The following TTC21B variants were observed in gnomAD, a reference collection of about 807,000 sequenced individuals.
TTC21B encodes tetratricopeptide repeat domain 21B.
TTC21B carries 127 observed loss-of-function variants against 175.1 expected under a neutral mutation model. The observed-to-expected ratio is 0.73, with a 90% confidence interval of 0.63 to 0.84. The LOEUF (loss-of-function observed/expected upper bound fraction) is 0.84, where lower values mean the gene tolerates loss of function less well. TTC21B is among the 40% of genes least tolerant of loss of function. The pLI is 0.00. For synonymous variants in TTC21B, 524 were observed against 524.5 expected, an observed-to-expected ratio of 1.00 and a Z score of 0.01; for missense variants, 1,561 against 1,558.3, an observed-to-expected ratio of 1.00 and a Z score of -0.03.
chr2:165,941,370 G>A (rs1169670556), intron 5 of TTC21B, among the ~76,000 whole-genome samples, 186 bp from the exon 6 acceptor site: 3 of 152,010 alleles, frequency 2.0e-5, no homozygotes, highest in Non-Finnish European at 4.4e-5. Flanking sequence ...CATTATATAA[G>A]CTATTGTGTT....
intron 21 of TTC21B, 28 bp downstream of exon 21, chr2:165,899,742 T>G (rs1426483683): frequency 6.9e-7 from 1 of 1,450,420 alleles, no homozygotes. Context: ...ACAAGTGCTT[T>G]TATTGTACTG....
At chr2:165,928,866 T>C (rs937034772) in intron 11 of TTC21B, 3 of 408,254 alleles carry the variant, frequency 7.3e-6, no homozygotes, top group Admixed American at 7.5e-5. Flanking sequence ...AAGGTAGGTG[T>C]CTGAATTAGA....
intron 6 of TTC21B, 80 bp downstream of exon 6, chr2:165,940,947 G>T: frequency 6.5e-7 from 1 of 1,529,354 alleles, no homozygotes; most frequent in Non-Finnish European, 9.0e-7. Flanking sequence ...AAACCCTTAT[G>T]AAAAAAATTC....
chr2:165,929,287 G>C lies in TTC21B; in HGVS notation c.1234C>G (p.Gln412Glu), dbSNP rs2105343199. 1 of 1,612,342 alleles carries C rather than the reference G, an allele frequency of 6.2e-7. No individual in the cohort carries two copies. Among genetic ancestry groups the C allele is most frequent in the South Asian group, 1.1e-5 (1 of 90,996 alleles). ...AVLAMKKNKR[Q>E]EEVINLLNDV... The stretch of plus-strand genomic sequence containing the variant: ...TTTAACAAATTAATAACTTCTTCTT[G>C]TCGTTTATTTTTCTTCATGGCAAGA... The change falls in exon 11 of 29, where the codon CAA (glutamine) becomes GAA (glutamate). Residue 412 changes from glutamine (Q) to glutamate (E), a missense_variant. Gln to Glu is a conservative substitution (Grantham distance 29). Coordinates refer to ENST00000243344, the MANE Select transcript of TTC21B (RefSeq NM_024753.5).
chr2:165,910,791 T>C (rs961737672), intron 18 of TTC21B, among the ~76,000 whole-genome samples: 1 of 139,908 alleles, frequency 7.1e-6, no homozygotes, highest in African/African-American at 2.5e-5. Context: ...CATCAAACTA[T>C]CTGGGACACG....
intron 13 of TTC21B, among the ~76,000 whole-genome samples, chr2:165,918,286 G>A (rs1686253473): frequency 6.6e-6 from 1 of 152,086 alleles, no homozygotes; most frequent in Non-Finnish European, 1.5e-5. Context: ...ATAAGAAGCA[G>A]GTGATATTTT....
At chr2:165,930,761 GTGTGTATAA>G (rs1183641068) in intron 8 of TTC21B, among the ~76,000 whole-genome samples, 4 of 128,974 alleles carry the variant, frequency 3.1e-5, no homozygotes, top group African/African-American at 1.1e-4. Context: ...GTGTGTGTGT[GTGTGTATAA>G]TATATGTATG....
intron 6 of TTC21B, among the ~76,000 whole-genome samples, chr2:165,936,217 C>T (rs187696641): frequency 2.0e-5 from 3 of 152,174 alleles, no homozygotes; most frequent in East Asian, 1.9e-4. Flanking sequence ...GGAGAAAAGA[C>T]ACTCTTTTCA....
chr2:165,946,314 G>C (rs1687561654), intron 3 of TTC21B, among the ~76,000 whole-genome samples: 1 of 151,940 alleles, frequency 6.6e-6, no homozygotes, highest in African/African-American at 2.4e-5. Flanking sequence ...ACTCCAGCCT[G>C]GGTGATAGAG....
At chr2:165,928,810 C>G in intron 11 of TTC21B, 1 of 314,464 alleles carries the variant, frequency 3.2e-6, no homozygotes, top group Non-Finnish European at 6.1e-6. Flanking sequence ...TGTGTCCAGA[C>G]ATGGGATAGA....
intron 19 of TTC21B, among the ~76,000 whole-genome samples, chr2:165,903,017 C>T (rs896561354): frequency 3.9e-5 from 6 of 152,116 alleles, no homozygotes; most frequent in African/African-American, 1.4e-4. Flanking sequence ...TAGAGATGTC[C>T]CATCACTTAT....
At chr2:165,903,782 A>G (rs1685643010) in intron 19 of TTC21B, among the ~76,000 whole-genome samples, 1 of 152,350 alleles carries the variant, frequency 6.6e-6, no homozygotes, top group African/African-American at 2.4e-5. Flanking sequence ...CCTAAGTTAC[A>G]TAATGTGGAG....
intron 28 of TTC21B, among the ~76,000 whole-genome samples, chr2:165,875,932 C>A (rs780842153): frequency 1.3e-5 from 2 of 150,830 alleles, no homozygotes; most frequent in African/African-American, 2.4e-5. Context: ...TGGTCTTTGT[C>A]TTTAAATTGA....
chr2:165,890,420 C>G, intron 24 of TTC21B, 59 bp downstream of exon 24: 1 of 1,515,690 alleles, frequency 6.6e-7, no homozygotes, highest in Non-Finnish European at 9.1e-7. Context: ...GTATAGTATC[C>G]CTGTTTATTA....
intron 13 of TTC21B, among the ~76,000 whole-genome samples, chr2:165,918,586 C>T (rs207462625): frequency 4.6e-5 from 7 of 152,126 alleles, no homozygotes; most frequent in African/African-American, 7.2e-5. Flanking sequence ...TGAGCCACCA[C>T]GCCCGGCCTT....
chr2:165,934,500 C>CAAAAAAAAAAAAAAAAAAA (rs369089707), intron 6 of TTC21B, among the ~76,000 whole-genome samples: 4 of 71,892 alleles, frequency 5.6e-5, no homozygotes, highest in South Asian at 5.2e-4. Flanking sequence ...GACTCTGTCT[C>CAAAAAAAAAAAAAAAAAAA]AAAAAAAAAA....
At chr2:165,932,892 T>C (rs1686963799) in intron 7 of TTC21B, 81 bp downstream of exon 7, 2 of 1,218,488 alleles carry the variant, frequency 1.6e-6, no homozygotes, top group Non-Finnish European at 2.4e-6. Flanking sequence ...TTAATGTATA[T>C]GCACATGCAC....
intron 27 of TTC21B, 114 bp downstream of exon 27, chr2:165,880,565 T>C (rs1385982109): frequency 3.5e-6 from 4 of 1,134,340 alleles, no homozygotes; most frequent in Non-Finnish European, 3.9e-6. Flanking sequence ...AGGTTGACAA[T>C]GAAAATTGAC....
At chr2:165,901,680 A>T (rs1381700806) in intron 20 of TTC21B, 42 bp downstream of exon 20, 2 of 1,564,110 alleles carry the variant, frequency 1.3e-6, no homozygotes, top group Admixed American at 3.3e-5. Flanking sequence ...ATTAGAAGAC[A>T]TCTGGAATAA....
Sources: gnomAD v4.1 joint callset for allele counts (sites outside exome capture counted in the v4.1 genomes callset) on GRCh38, gnomAD v4.1.1 for gene constraint, MANE v1.5 for transcripts, NCBI Gene and HGNC (gene_info 2026-07-23, HGNC 2026-07-21) for gene names.